GNAI1: variants seen among roughly 807,000 people sequenced by gnomAD.
GNAI1 encodes guanine nucleotide-binding protein G(i) subunit alpha-1.
In GNAI1, 11 loss-of-function variants were observed where a neutral mutation model predicts 38.9. That is an observed-to-expected ratio of 0.28 (90% CI 0.18 to 0.47). The LOEUF (loss-of-function observed/expected upper bound fraction) is 0.47, where lower values mean the gene tolerates loss of function less well. Among genes scored for constraint, GNAI1 ranks in the 20% least tolerant of loss-of-function variants. The pLI, the probability that GNAI1 is intolerant of heterozygous loss-of-function variation, is 0.99. For missense variants in GNAI1, 317 were observed against 436.9 expected, an observed-to-expected ratio of 0.73 and a Z score of 2.45; for synonymous variants, 166 against 145.1, an observed-to-expected ratio of 1.14 and a Z score of -1.04.
intron 1 of GNAI1, among the ~76,000 whole-genome samples, chr7:80,164,891 C>T (rs953975244): frequency 6.7e-6 from 1 of 149,782 alleles, no homozygotes; most frequent in African/African-American, 2.5e-5. Flanking sequence ...CTTCTTTACT[C>T]GACCTTTTTA....
Position 80,158,979 on chromosome 7 carries a change from G to C in GNAI1, c.118+23701G>C, listed in dbSNP as rs564336708. The stretch of plus-strand genomic sequence containing the variant: ...AGCTGTTGACGTTAGAGGTGGCATA[G>C]CTTCTGCCACTGCCCACCACCCACC... On this transcript the variant is annotated intron_variant, in intron 1 of 7. Coordinates refer to ENST00000649796, the MANE Select transcript of GNAI1 (RefSeq NM_002069.6). Among the ~76,000 whole-genome samples, 9 of 152,264 alleles carry C rather than the reference G, an allele frequency of 5.9e-5. 1 individual carries two copies. The South Asian group carries it at 1.7e-3, about 28-fold the overall frequency.
At chr7:80,190,820 TACAA>T (rs1312740817) in intron 3 of GNAI1, among the ~76,000 whole-genome samples, 3 of 152,146 alleles carry the variant, frequency 2.0e-5, no homozygotes, top group South Asian at 2.1e-4. Flanking sequence ...GAAGGGTCAA[TACAA>T]ACAGTTTTTC....
intron 1 of GNAI1, among the ~76,000 whole-genome samples, chr7:80,186,551 A>G (rs1406916129): frequency 1.3e-5 from 2 of 152,296 alleles, no homozygotes; most frequent in East Asian, 1.9e-4. Flanking sequence ...AACTGGAAAA[A>G]TCTTATTCTT....
chr7:80,137,470 G>A lies in GNAI1; in HGVS notation c.118+2192G>A, dbSNP rs559054552. Among the ~76,000 whole-genome samples the A allele has an allele frequency of 1.3e-4, 19 of 151,722 alleles. 1 individual carries two copies. Among genetic ancestry groups the A allele is most frequent in the Non-Finnish European group, 2.9e-5 (2 of 67,866 alleles). The stretch of plus-strand genomic sequence containing the variant: ...CGAGTACCCGGGACTACAGGTGCGT[G>A]CCACCATGCTCGGCTAATTTTGTAT... On this transcript the variant is annotated intron_variant, in intron 1 of 7. Coordinates refer to ENST00000649796, the MANE Select transcript of GNAI1 (RefSeq NM_002069.6).
chr7:80,186,221 C>T (rs995264516), intron 1 of GNAI1, among the ~76,000 whole-genome samples: 5 of 151,902 alleles, frequency 3.3e-5, no homozygotes, highest in South Asian at 4.2e-4. Flanking sequence ...TTAGTAGAGA[C>T]AGGATTTCAC....
intron 5 of GNAI1, among the ~76,000 whole-genome samples, chr7:80,208,566 C>G (rs1391721163): frequency 6.6e-6 from 1 of 152,152 alleles, no homozygotes; most frequent in Non-Finnish European, 1.5e-5. Flanking sequence ...ACATCTGACT[C>G]CTAACATTCT....
chr7:80,209,670 G>C (rs1246751594), intron 5 of GNAI1, among the ~76,000 whole-genome samples: 1 of 152,158 alleles, frequency 6.6e-6, no homozygotes, highest in South Asian at 2.1e-4. Flanking sequence ...GATGGACAGA[G>C]GATGTGTGAC....
In GNAI1 at chr7:80,221,973, C is replaced by G. The variant is rs1484436882; in HGVS notation, c.*4480C>G. Among the ~76,000 whole-genome samples the G allele has an allele frequency of 6.6e-6, 1 of 152,096 alleles. No homozygotes were observed. The highest frequency in any genetic ancestry group is 1.5e-5 in the Non-Finnish European group (1 of 67,990). ...TTTTTAGTTCTTTTCAAAACCCTTTCTTAACAGTTGAAATGCATTTATATA... is the reference window on the plus strand; with the variant it reads ...TTTTTAGTTCTTTTCAAAACCCTTTGTTAACAGTTGAAATGCATTTATATA... On this transcript the variant is annotated 3_prime_UTR_variant, in exon 8 of 8. Coordinates refer to ENST00000649796, the MANE Select transcript of GNAI1 (RefSeq NM_002069.6).
Position 80,218,119 on chromosome 7 carries a change from A to C in GNAI1, c.*626A>C, listed in dbSNP as rs201939144. On this transcript the variant is annotated 3_prime_UTR_variant, in exon 8 of 8. Transcript: ENST00000649796. ...ATTGAAATGTTCTTAAGATGAATAC[A>C]CCTGCCTTTGGATCAACTATTTAAA... 12 of 152,572 alleles carry C rather than the reference A, an allele frequency of 7.9e-5. No individual in the cohort carries two copies. In the East Asian group the frequency reaches 2.3e-3, roughly 29 times the overall value. 9.5% of individuals were successfully genotyped at this position (152,572 alleles called of 1,614,324 possible).
chr7:80,150,282 C>G (rs1043677279), intron 1 of GNAI1, among the ~76,000 whole-genome samples: 1 of 151,846 alleles, frequency 6.6e-6, no homozygotes, highest in African/African-American at 2.4e-5. Context: ...TATTAATCAT[C>G]AAGAGTGAAT....
chr7:80,165,392 G>A (rs1787996519), intron 1 of GNAI1, among the ~76,000 whole-genome samples: 1 of 152,020 alleles, frequency 6.6e-6, no homozygotes, highest in Admixed American at 6.6e-5. Context: ...TCATTTAAAG[G>A]GCTGTTAACA....
intron 1 of GNAI1, among the ~76,000 whole-genome samples, chr7:80,159,788 G>T (rs1308262367): frequency 6.6e-6 from 1 of 152,138 alleles, no homozygotes; most frequent in Admixed American, 6.5e-5. Flanking sequence ...TTGAATCTCA[G>T]CTTCCTCGCT....
chr7:80,153,627 A>G (rs1423234963), intron 1 of GNAI1, among the ~76,000 whole-genome samples: 1 of 152,182 alleles, frequency 6.6e-6, no homozygotes, highest in Non-Finnish European at 1.5e-5. Context: ...GACTTGTATT[A>G]ATGGCCTTAA....
intron 7 of GNAI1, among the ~76,000 whole-genome samples, chr7:80,215,642 A>G (rs575689782): frequency 6.6e-6 from 1 of 152,308 alleles, no homozygotes; most frequent in South Asian, 2.1e-4. Flanking sequence ...CTTGTGGGGT[A>G]TGATATTTAC....
At chr7:80,155,225 CAG>C (rs1181854597) in intron 1 of GNAI1, among the ~76,000 whole-genome samples, 1 of 152,090 alleles carries the variant, frequency 6.6e-6, no homozygotes, top group South Asian at 2.1e-4. Context: ...TGAAGGAAGA[CAG>C]AATATTCTGA....
chr7:80,181,432 A>G (rs953659263), intron 1 of GNAI1, among the ~76,000 whole-genome samples: 5 of 152,238 alleles, frequency 3.3e-5, no homozygotes, highest in African/African-American at 7.2e-5. Context: ...CACTATACAA[A>G]TAAAAACACT....
chr7:80,185,716 AC>A (rs911928796), intron 1 of GNAI1, among the ~76,000 whole-genome samples: 26 of 152,122 alleles, frequency 1.7e-4, no homozygotes, highest in African/African-American at 6.3e-4. Flanking sequence ...GTGCAGCGTT[AC>A]ACTCCCAGCC....
intron 6 of GNAI1, among the ~76,000 whole-genome samples, chr7:80,211,419 C>CTTTT (rs71076502): frequency 7.2e-6 from 1 of 138,812 alleles, no homozygotes; most frequent in African/African-American, 2.6e-5. Flanking sequence ...TTTAGTAAAT[C>CTTTT]TTTTTTTTTT....
At position 80,215,735 on chromosome 7, in the gene GNAI1, G is replaced by A. The variant is rs114189059; in HGVS notation, c.875-1568G>A. ...TCTATAAAGCAATATAACAAAAACT[G>A]AAATAGTTATTTCTAGGAGGAGGAA... On this transcript the variant is annotated intron_variant, in intron 7 of 7. Coordinates refer to ENST00000649796, the MANE Select transcript of GNAI1 (RefSeq NM_002069.6). Among the ~76,000 whole-genome samples the A allele has an allele frequency of 3.4e-3, 516 of 151,060 alleles. 5 individuals carry two copies. The highest frequency in any genetic ancestry group is 0.012 in the African/African-American group (497 of 40,704).
Sources: allele counts gnomAD v4.1 joint callset (sites outside exome capture counted in the v4.1 genomes callset), GRCh38; gene constraint gnomAD v4.1.1; transcripts MANE v1.5; gene names NCBI Gene and HGNC (gene_info 2026-07-23, HGNC 2026-07-21).